MADD: variants seen among roughly 807,000 people sequenced by gnomAD.
MADD encodes MAP kinase-activating death domain protein.
Under a neutral mutation model 176.7 loss-of-function variants are expected in MADD, and 109 were observed. The ratio of observed to expected loss-of-function variants is 0.62; its 90% CI spans 0.53 to 0.72. The LOEUF (loss-of-function observed/expected upper bound fraction) is 0.72, where lower values mean the gene tolerates loss of function less well. Among genes scored for constraint, MADD ranks in the 30% least tolerant of loss-of-function variants. The pLI, the probability that MADD is intolerant of heterozygous loss-of-function variation, is 0.00. For missense variants in MADD, 1,914 were observed against 2,045.5 expected (o/e 0.94, Z 1.24); for synonymous variants, 771 against 771.3 (o/e 1.00, Z 0.01).
At chr11:47,327,885 T>C (rs1266938775) in intron 31 of MADD, 2 of 985,190 alleles carry the variant, frequency 2.0e-6, no homozygotes, top group African/African-American at 1.7e-5. Flanking sequence ...GGCCTACTCC[T>C]TCCTCTGGCC....
intron 22 of MADD, among the ~76,000 whole-genome samples, chr11:47,305,457 C>T (rs538944242): frequency 6.6e-6 from 1 of 152,190 alleles, no homozygotes; most frequent in African/African-American, 2.4e-5. Context: ...ACTGGCCTTA[C>T]TCTGTGGAAG....
At chr11:47,310,397 G>T (rs976915272) in intron 25 of MADD, among the ~76,000 whole-genome samples, 1 of 150,142 alleles carries the variant, frequency 6.7e-6, no homozygotes, top group Non-Finnish European at 1.5e-5. Context: ...GGCCAGGCTG[G>T]TCTCTCGTAC....
intron 1 of MADD, among the ~76,000 whole-genome samples, chr11:47,272,974 G>A (rs192420526): frequency 1.3e-5 from 2 of 152,326 alleles, no homozygotes; most frequent in East Asian, 1.9e-4. Flanking sequence ...GTGCAGATTA[G>A]GCAATTGGGG....
chr11:47,289,816 G>A, intron 16 of MADD, 51 bp from the exon 18 acceptor site: 1 of 1,591,392 alleles, frequency 6.3e-7, no homozygotes, highest in Non-Finnish European at 8.6e-7. Flanking sequence ...AAGGTGGGGG[G>A]TGCTCTGCAA....
At chr11:47,314,405 G>A (rs2091893522) in intron 26 of MADD, among the ~76,000 whole-genome samples, 2 of 152,136 alleles carry the variant, frequency 1.3e-5, no homozygotes, top group Non-Finnish European at 2.9e-5. Context: ...AATGTAAAAT[G>A]TTCATTGATG....
intron 11 of MADD, 40 bp downstream of exon 11, chr11:47,284,321 G>C: frequency 6.2e-7 from 1 of 1,613,370 alleles, no homozygotes; most frequent in Non-Finnish European, 8.5e-7. Flanking sequence ...CTGGGCAGGG[G>C]TTGGGGGCCC....
chr11:47,269,630 G>A (rs988368601), upstream of MADD: 5 of 151,172 alleles, frequency 3.3e-5, no homozygotes, highest in African/African-American at 1.2e-4. Context: ...CACTCCCCGC[G>A]CGCGCCCGGT....
At chr11:47,288,511 A>C (rs752882388) in intron 15 of MADD, among the ~76,000 whole-genome samples, 8 of 152,182 alleles carry the variant, frequency 5.3e-5, no homozygotes, top group Non-Finnish European at 1.0e-4. Context: ...AGAGCGATTG[A>C]AACTCTTTCA....
At chr11:47,308,551 T>G (rs2085077172) in intron 22 of MADD, 40 bp from the exon 25 acceptor site, 2 of 1,500,160 alleles carry the variant, frequency 1.3e-6, no homozygotes, top group African/African-American at 1.4e-5. Flanking sequence ...CTCTATTCAT[T>G]GCTACCTCTG....
At chr11:47,297,492 G>C (rs891489812) in intron 22 of MADD, among the ~76,000 whole-genome samples, 1 of 151,360 alleles carries the variant, frequency 6.6e-6, no homozygotes, top group Non-Finnish European at 1.5e-5. Flanking sequence ...TGTCACCCAG[G>C]CTGGAGTGCA....
intron 27 of MADD, among the ~76,000 whole-genome samples, chr11:47,321,920 G>A (rs2141940052): frequency 6.6e-6 from 1 of 152,192 alleles, no homozygotes; most frequent in Non-Finnish European, 1.5e-5. Flanking sequence ...ATGAGTTTGA[G>A]GTGCTACATG....
At chr11:47,323,449 T>C (rs2094888067) in intron 27 of MADD, among the ~76,000 whole-genome samples, 1 of 151,966 alleles carries the variant, frequency 6.6e-6, no homozygotes, top group African/African-American at 2.4e-5. Context: ...GCCTCCTCCC[T>C]TATACATCGG....
In MADD at chr11:47,309,758, G is replaced by T. The variant is rs1231689294; in HGVS notation, c.3978+146G>T. 3 of 626,718 alleles carry T rather than the reference G, an allele frequency of 4.8e-6. No individual in the cohort carries two copies. The East Asian group carries it at 8.1e-5, about 17-fold the overall frequency. 38.8% of individuals were successfully genotyped at this position (626,718 alleles called of 1,614,324 possible). On this transcript the variant is annotated intron_variant, in intron 25 of 32. Transcript: ENST00000402192. ...TTGATTGAAAGTCTGAGGCCTCTCT[G>T]CCAGCTTACAAATGTTCCATTTATC...
Position 47,317,751 on chromosome 11 carries a change from A to G in MADD, c.4197+2424A>G, listed in dbSNP as rs558397351. Among the ~76,000 whole-genome samples, 72 of 151,308 alleles carry G rather than the reference A, an allele frequency of 4.8e-4. 1 individual carries two copies. Among genetic ancestry groups the G allele is most frequent in the Non-Finnish European group, 1.0e-4 (7 of 67,908 alleles). ...TTGCCTATGGTATTTTTTGACACACATAAATTTTTTATTTGTATATAACTT... is the reference window on the plus strand; with the variant it reads ...TTGCCTATGGTATTTTTTGACACACGTAAATTTTTTATTTGTATATAACTT... On this transcript the variant is annotated intron_variant, in intron 27 of 32. Coordinates refer to ENST00000402192, the Ensembl canonical transcript of MADD.
chr11:47,316,726 A>G (rs1269033212), intron 27 of MADD, among the ~76,000 whole-genome samples: 1 of 151,588 alleles, frequency 6.6e-6, no homozygotes, highest in Non-Finnish European at 1.5e-5. Flanking sequence ...AAATATGAAC[A>G]CAAATTCTTA....
intron 20 of MADD, 57 bp downstream of exon 22, chr11:47,294,040 T>A (rs2067916986): frequency 1.5e-6 from 2 of 1,365,628 alleles, no homozygotes; most frequent in Non-Finnish European, 2.1e-6. Flanking sequence ...TCAGAATACT[T>A]CTTTAAGTTA....
At chr11:47,290,352 T>C in intron 18 of MADD, 53 bp downstream of exon 19, 1 of 1,591,552 alleles carries the variant, frequency 6.3e-7, no homozygotes, top group Non-Finnish European at 8.6e-7. Context: ...GCCACTTGTC[T>C]CCTGAAGAGA....
exon 16 of MADD, chr11:47,289,422 A>G (rs2063383295): frequency 6.2e-7 from 1 of 1,614,214 alleles, no homozygotes; most frequent in Non-Finnish European, 8.5e-7. Flanking sequence ...ATCAGAAGTC[A>G]TCTGTCATTA....
intron 6 of MADD, 32 bp downstream of exon 6, chr11:47,278,310 T>C: frequency 2.0e-6 from 3 of 1,487,836 alleles, no homozygotes; most frequent in South Asian, 1.1e-5. Flanking sequence ...TTGTAGAGTC[T>C]AGAGGAGGAT....
Sources: gnomAD v4.1 joint callset for allele counts (sites outside exome capture counted in the v4.1 genomes callset) on GRCh38, gnomAD v4.1.1 for gene constraint, MANE v1.5 for transcripts, NCBI Gene and HGNC (gene_info 2026-07-23, HGNC 2026-07-21) for gene names.